The following MLLT10 variants were observed in gnomAD, a reference collection of about 807,000 sequenced individuals.
MLLT10 encodes protein AF-10.
A neutral mutation model predicts 129.1 loss-of-function variants in MLLT10; 30 were observed. The observed-to-expected ratio is 0.23, with a 90% CI of 0.17 to 0.32. MLLT10 has a LOEUF of 0.32. Among genes scored for constraint, MLLT10 ranks in the 10% least tolerant of loss-of-function variants. The probability of loss-of-function intolerance (pLI) is 1.00; values close to 1 mark genes in which losing one functional copy is unlikely to be tolerated. For missense variants in MLLT10, 1,119 were observed against 1,268.3 expected (o/e 0.88, Z 1.79); for synonymous variants, 490 against 446.4 (o/e 1.10, Z -1.23).
intron 8 of MLLT10, among the ~76,000 whole-genome samples, chr10:21,623,800 C>T (rs745345737): frequency 7.9e-4 from 121 of 152,302 alleles, no homozygotes; most frequent in Non-Finnish European, 1.5e-3. Flanking sequence ...AAAAAGCCCT[C>T]TAAGAATTGT....
chr10:21,568,465 C>G (rs919491002), intron 3 of MLLT10, among the ~76,000 whole-genome samples: 2 of 152,054 alleles, frequency 1.3e-5, no homozygotes, highest in Admixed American at 1.3e-4. Context: ...TCTGATCTTT[C>G]TTTTGCTCTT....
chr10:21,582,454 G>A (rs2041573768), intron 3 of MLLT10, among the ~76,000 whole-genome samples: 1 of 152,046 alleles, frequency 6.6e-6, no homozygotes, highest in Non-Finnish European at 1.5e-5. Context: ...ATCTGTTACT[G>A]TGCCTAATTT....
At chr10:21,703,227 CTT>C (rs1229874697) in intron 13 of MLLT10, among the ~76,000 whole-genome samples, 1 of 151,086 alleles carries the variant, frequency 6.6e-6, no homozygotes, top group African/African-American at 2.4e-5. Flanking sequence ...CTGGAGAAGA[CTT>C]TATTTCTCCT....
intron 8 of MLLT10, among the ~76,000 whole-genome samples, chr10:21,637,959 C>G (rs1368872740): frequency 6.6e-6 from 1 of 152,122 alleles, no homozygotes; most frequent in Non-Finnish European, 1.5e-5. Context: ...TCTTCCTACC[C>G]CTGGTACCTT....
intron 8 of MLLT10, among the ~76,000 whole-genome samples, chr10:21,648,475 A>T (rs2048723582): frequency 6.6e-6 from 1 of 152,034 alleles, no homozygotes; most frequent in Non-Finnish European, 1.5e-5. Context: ...CTTTTTTGTT[A>T]TTCAGGATCA....
intron 8 of MLLT10, among the ~76,000 whole-genome samples, chr10:21,640,925 A>G (rs2047939524): frequency 6.6e-6 from 1 of 152,224 alleles, no homozygotes. Flanking sequence ...GGTTTCTTCC[A>G]TCTTGTGACT....
chr10:21,617,913 C>T (rs1030128621), intron 8 of MLLT10, among the ~76,000 whole-genome samples: 2 of 152,120 alleles, frequency 1.3e-5, no homozygotes, highest in African/African-American at 4.8e-5. Context: ...GTCCCAACTA[C>T]CCAGGAGGCT....
chr10:21,548,404 CTG>C (rs1026160067), intron 3 of MLLT10, among the ~76,000 whole-genome samples: 3 of 147,806 alleles, frequency 2.0e-5, no homozygotes, highest in African/African-American at 7.5e-5. Flanking sequence ...GACGGAGCCT[CTG>C]TTGCCCAGGC....
chr10:21,699,796 G>GT (rs2054728450), intron 13 of MLLT10, among the ~76,000 whole-genome samples: 1 of 151,716 alleles, frequency 6.6e-6, no homozygotes, highest in African/African-American at 2.4e-5. Flanking sequence ...AATATATTTT[G>GT]AAGTGACGTA....
intron 14 of MLLT10, among the ~76,000 whole-genome samples, chr10:21,718,065 G>A (rs901040702): frequency 2.6e-5 from 4 of 151,970 alleles, no homozygotes; most frequent in Admixed American, 1.3e-4. Context: ...GGCTGGTCTC[G>A]AACTCCAGAC....
rs1231279487 is a variant in MLLT10, at chr10:21,682,261, A to G, written c.1699+4A>G. 1 of 1,609,100 alleles carries G rather than the reference A, an allele frequency of 6.2e-7. No individual in the cohort carries two copies. Among genetic ancestry groups the G allele is most frequent in the East Asian group, 2.2e-5 (1 of 44,652 alleles). ...TTGCTGAATGCAATACACAACGGTA[A>G]GTTTTATTAGAATCTTCTCTAGTGG... On this transcript the variant is annotated splice_donor_region_variant and intron_variant, in intron 13 of 22. Transcript: ENST00000307729.
rs765336767 is a variant in MLLT10, at chr10:21,734,115, T to C, written c.2844T>C (p.Ala948=). The C allele has an allele frequency of 1.9e-6, 3 of 1,605,464 alleles. No homozygotes were observed. The highest frequency in any genetic ancestry group is 2.6e-6 in the Non-Finnish European group (3 of 1,174,552). The change falls in exon 20 of 23, where the codon GCT becomes GCC. Residue 948 remains alanine (A), a synonymous_variant. Coordinates refer to ENST00000307729, the MANE Select transcript of MLLT10 (RefSeq NM_001195626.3). The stretch of plus-strand genomic sequence containing the variant: ...CTAATGCAACACATCCAATGCCAGC[T>C]ACACTGACTAACAGGTAAGAAACTT... The part of the protein sequence containing the change: ...VPPNATHPMP[A]TLTNSASGLG...
chr10:21,606,545 C>T (rs1332918372), intron 5 of MLLT10, among the ~76,000 whole-genome samples: 3 of 152,060 alleles, frequency 2.0e-5, no homozygotes, highest in South Asian at 2.1e-4. Flanking sequence ...CAACATGAAC[C>T]GGAGTTTGAA....
At chr10:21,657,620 A>G (rs2049743933) in intron 9 of MLLT10, among the ~76,000 whole-genome samples, 1 of 152,168 alleles carries the variant, frequency 6.6e-6, no homozygotes. Flanking sequence ...CATTATAAAT[A>G]GCTCACAATT....
chr10:21,578,980 C>T (rs2041086404), intron 3 of MLLT10, among the ~76,000 whole-genome samples: 1 of 152,178 alleles, frequency 6.6e-6, no homozygotes, highest in South Asian at 2.1e-4. Flanking sequence ...TGAAGATTGG[C>T]ATTTTCTAGC....
chr10:21,562,589 C>T (rs1438900149), intron 3 of MLLT10, among the ~76,000 whole-genome samples: 3 of 152,016 alleles, frequency 2.0e-5, no homozygotes, highest in Non-Finnish European at 4.4e-5. Flanking sequence ...CCACCTGCCT[C>T]AGCCTCCCAA....
chr10:21,673,559 C>T lies in MLLT10; in HGVS notation c.1261C>T (p.Pro421Ser), dbSNP rs980589659. The change falls in exon 11 of 23, where the codon CCT becomes TCT. Residue 421 changes from proline to serine, a missense_variant. Coordinates refer to ENST00000307729, the MANE Select transcript of MLLT10 (RefSeq NM_001195626.3). Reference sequence around the variant, plus strand: ...TAGTTTTAGTACCTTAATTGGCCTCCCTTCAACCTCAGCTGTTACTTCACA... The same window carrying T: ...TAGTTTTAGTACCTTAATTGGCCTCTCTTCAACCTCAGCTGTTACTTCACA... ...VNSFSTLIGL[P>S]STSAVTSQPK... 8 of 1,613,082 alleles carry T rather than the reference C, an allele frequency of 5.0e-6. No individual in the cohort carries two copies. The highest frequency in any genetic ancestry group is 6.8e-6 in the Non-Finnish European group (8 of 1,179,696).
chr10:21,547,054 G>T (rs2036199942), intron 3 of MLLT10, among the ~76,000 whole-genome samples: 1 of 151,960 alleles, frequency 6.6e-6, no homozygotes, highest in South Asian at 2.1e-4. Context: ...ATTTTTAGTA[G>T]AAATGGGGTT....
chr10:21,625,178 G>A lies in MLLT10; in HGVS notation c.699+7971G>A, dbSNP rs745767751. 2.8e-4 allele frequency: 405 copies of A among 1,454,468 alleles called. 1 individual carries two copies. The highest frequency in any genetic ancestry group is 4.7e-4 in the Middle Eastern group (2 of 4,260). 90.1% of individuals were successfully genotyped at this position (1,454,468 alleles called of 1,614,324 possible). The stretch of plus-strand genomic sequence containing the variant: ...GAGGGTGTAGTGATAATCTTCATAT[G>A]CAGTGCTTCTGGAGGCCTGTCTAGC... On this transcript the variant is annotated intron_variant, in intron 8 of 22. Transcript: ENST00000307729.
Sources: allele counts gnomAD v4.1 joint callset (sites outside exome capture counted in the v4.1 genomes callset), GRCh38; gene constraint gnomAD v4.1.1; transcripts MANE v1.5; gene names NCBI Gene and HGNC (gene_info 2026-07-23, HGNC 2026-07-21).